The following PKIB variants were observed in gnomAD, a reference collection of about 807,000 sequenced individuals.
PKIB encodes the protein PKI-beta.
Under a neutral mutation model 4.5 loss-of-function variants are expected in PKIB, and 2 were observed. The observed-to-expected ratio is 0.44, with a 90% confidence interval of 0.18 to 1.39. The LOEUF (loss-of-function observed/expected upper bound fraction) is 1.39. Among genes scored for constraint, PKIB ranks in the 40% most tolerant of loss-of-function variants. The probability of loss-of-function intolerance (pLI) is 0.27; values close to 1 mark genes in which losing one functional copy is unlikely to be tolerated. For missense variants in PKIB, 94 were observed against 92.6 expected (o/e 1.02, Z -0.06); for synonymous variants, 38 against 36.0 (o/e 1.06, Z -0.20).
At chr6:122,606,240 A>G (rs989744314), upstream of PKIB, among the ~76,000 whole-genome samples, 7 of 152,240 alleles carry the variant, frequency 4.6e-5, no homozygotes, top group African/African-American at 1.7e-4. Flanking sequence ...TTATGTAGCT[A>G]TAAGCTAAAG....
chr6:122,557,277 C>G (rs1239976140), intron 2 of PKIB, among the ~76,000 whole-genome samples: 2 of 152,194 alleles, frequency 1.3e-5, no homozygotes, highest in Non-Finnish European at 1.5e-5. Context: ...GCAAATGTCA[C>G]AGATGTTCAT....
chr6:122,620,704 T>C (rs1181253670), intron 1 of PKIB, among the ~76,000 whole-genome samples: 1 of 152,234 alleles, frequency 6.6e-6, no homozygotes, highest in Non-Finnish European at 1.5e-5. Context: ...GTGCCTTGTT[T>C]GCTCGTGTTC....
At chr6:122,696,519 G>C (rs1226854376) in intron 3 of PKIB, among the ~76,000 whole-genome samples, 4 of 152,144 alleles carry the variant, frequency 2.6e-5, no homozygotes, top group African/African-American at 9.7e-5. Context: ...CTCTTTGTAT[G>C]TTCTTCGACC....
At chr6:122,612,358 CT>C (rs1774795361) in intron 1 of PKIB, among the ~76,000 whole-genome samples, 2 of 152,014 alleles carry the variant, frequency 1.3e-5, no homozygotes, top group Admixed American at 6.6e-5. Flanking sequence ...ATTACCATAT[CT>C]GGTTTTAGAA....
intron 2 of PKIB, among the ~76,000 whole-genome samples, chr6:122,516,577 C>T (rs1397331383): frequency 6.6e-6 from 1 of 152,146 alleles, no homozygotes; most frequent in Non-Finnish European, 1.5e-5. Flanking sequence ...CCTGTGTTCC[C>T]AGTTCTGATT....
At chr6:122,554,397 A>G (rs1772777669) in intron 2 of PKIB, among the ~76,000 whole-genome samples, 2 of 152,246 alleles carry the variant, frequency 1.3e-5, no homozygotes, top group Admixed American at 1.3e-4. Flanking sequence ...ATAGAAATAT[A>G]ATGTTAAATA....
intron 2 of PKIB, among the ~76,000 whole-genome samples, chr6:122,484,712 A>C (rs1386246746): frequency 1.3e-5 from 2 of 152,208 alleles, no homozygotes; most frequent in Non-Finnish European, 2.9e-5. Context: ...ATGATCTCAA[A>C]CCCTGAAACA....
At chr6:122,562,130 A>G (rs1466298513) in intron 2 of PKIB, among the ~76,000 whole-genome samples, 1 of 100,684 alleles carries the variant, frequency 9.9e-6, no homozygotes, top group Non-Finnish European at 2.2e-5. Flanking sequence ...CTCTTTTAGC[A>G]GTTCTTGTCG....
chr6:122,528,879 A>G (rs1401045348), intron 2 of PKIB, among the ~76,000 whole-genome samples: 1 of 152,122 alleles, frequency 6.6e-6, no homozygotes, highest in Non-Finnish European at 1.5e-5. Context: ...TATTTCTTTA[A>G]AAAAGAGAAA....
intron 3 of PKIB, among the ~76,000 whole-genome samples, chr6:122,711,560 T>C (rs1779273935): frequency 6.6e-6 from 1 of 152,178 alleles, no homozygotes. Context: ...ACATGTTGAA[T>C]AAGTCTTTCT....
At chr6:122,713,178 G>T (rs1779340988) in intron 3 of PKIB, among the ~76,000 whole-genome samples, 1 of 152,044 alleles carries the variant, frequency 6.6e-6, no homozygotes, top group African/African-American at 2.4e-5. Flanking sequence ...TGTGTCTCAG[G>T]CAACGTAAAT....
chr6:122,493,053 A>G (rs1321093587), intron 2 of PKIB, among the ~76,000 whole-genome samples: 1 of 152,200 alleles, frequency 6.6e-6, no homozygotes, highest in Admixed American at 6.5e-5. Flanking sequence ...TCTATTGTCT[A>G]TCTAAACTCA....
intron 2 of PKIB, among the ~76,000 whole-genome samples, chr6:122,639,211 C>T (rs764862973): frequency 7.2e-5 from 11 of 152,058 alleles, no homozygotes; most frequent in Non-Finnish European, 1.3e-4. Flanking sequence ...GAAGACTGTC[C>T]AAACACTGTA....
chr6:122,587,202 G>T (rs1182855972), intron 3 of PKIB, among the ~76,000 whole-genome samples: 4 of 152,006 alleles, frequency 2.6e-5, no homozygotes, highest in Admixed American at 1.3e-4. Flanking sequence ...ATAGGCCCCG[G>T]TATGTGATGT....
intron 2 of PKIB, among the ~76,000 whole-genome samples, chr6:122,525,739 G>A (rs1221053595): frequency 6.6e-6 from 1 of 152,156 alleles, no homozygotes; most frequent in East Asian, 1.9e-4. Context: ...CTTGTGGAGG[G>A]TCTTGCCTTT....
chr6:122,494,513 C>A (rs1420827735), intron 2 of PKIB, among the ~76,000 whole-genome samples: 1 of 152,096 alleles, frequency 6.6e-6, no homozygotes, highest in Non-Finnish European at 1.5e-5. Context: ...GCCAAAAATA[C>A]CCCCTTGGGA....
intron 2 of PKIB, among the ~76,000 whole-genome samples, chr6:122,564,611 A>G (rs1335558945): frequency 6.6e-6 from 1 of 152,232 alleles, no homozygotes; most frequent in Non-Finnish European, 1.5e-5. Context: ...AAATTAATAA[A>G]CAGTGGTTTT....
intron 2 of PKIB, among the ~76,000 whole-genome samples, chr6:122,570,544 T>C (rs1210721844): frequency 6.6e-6 from 1 of 152,134 alleles, no homozygotes; most frequent in Admixed American, 6.5e-5. Context: ...CAACCCCATA[T>C]GAGACAGTGA....
chr6:122,589,942 G>C (rs1387028291), intron 3 of PKIB, among the ~76,000 whole-genome samples: 2 of 152,016 alleles, frequency 1.3e-5, no homozygotes, highest in Admixed American at 1.3e-4. Flanking sequence ...AGAATTTTCA[G>C]TCTTTGGTTA....
Sources: gnomAD v4.1 joint callset for allele counts (sites outside exome capture counted in the v4.1 genomes callset) on GRCh38, gnomAD v4.1.1 for gene constraint, MANE v1.5 for transcripts, NCBI Gene and HGNC (gene_info 2026-07-23, HGNC 2026-07-21) for gene names.